The following EPHA4 variants were observed in gnomAD, a reference collection of about 807,000 sequenced individuals.
The protein encoded by EPHA4 is EPH receptor A4.
Under a neutral mutation model 108.3 loss-of-function variants are expected in EPHA4, and 19 were observed. That is an observed-to-expected ratio of 0.18 (90% CI 0.12 to 0.26). The LOEUF (loss-of-function observed/expected upper bound fraction) is 0.26. Ranked by LOEUF, EPHA4 falls within the 10% of genes least tolerant of loss-of-function variation. EPHA4 has a pLI of 1.00. For synonymous variants in EPHA4, 449 were observed against 455.5 expected (o/e 0.99, Z 0.18); for missense variants, 917 against 1,254.0 (o/e 0.73, Z 4.06).
intron 5 of EPHA4, among the ~76,000 whole-genome samples, chr2:221,462,032 T>C (rs969445956): frequency 2.7e-5 from 4 of 149,306 alleles, no homozygotes; most frequent in Non-Finnish European, 5.9e-5. Flanking sequence ...AGATGCATCA[T>C]AGATTGAAAA....
At chr2:221,563,403 C>T (rs537465869) in intron 3 of EPHA4, among the ~76,000 whole-genome samples, 12 of 152,288 alleles carry the variant, frequency 7.9e-5, no homozygotes, top group Admixed American at 2.6e-4. Context: ...AAAATGTGTC[C>T]GCCCTCTTTA....
intron 3 of EPHA4, among the ~76,000 whole-genome samples, chr2:221,549,596 G>C (rs1694101296): frequency 6.6e-6 from 1 of 152,204 alleles, no homozygotes; most frequent in African/African-American, 2.4e-5. Flanking sequence ...GGCAGCCAGG[G>C]CTCCTGATTA....
chr2:221,547,818 TG>T (rs1694044699), intron 3 of EPHA4, among the ~76,000 whole-genome samples: 1 of 152,194 alleles, frequency 6.6e-6, no homozygotes, highest in African/African-American at 2.4e-5. Context: ...CATCATTTCG[TG>T]CCCTGGCCTT....
chr2:221,565,136 A>G (rs1472626093), intron 2 of EPHA4, among the ~76,000 whole-genome samples: 2 of 152,178 alleles, frequency 1.3e-5, no homozygotes, highest in Admixed American at 1.3e-4. Flanking sequence ...AAAACTAGAA[A>G]ACAGACATGC....
rs921010685 is a variant in EPHA4 at position 221,552,121 on chromosome 2, G to C, written c.823+11610C>G. 2.6e-5 allele frequency among the ~76,000 whole-genome samples: 4 copies of C among 152,118 alleles called. No individual in the cohort carries two copies. In the East Asian group the frequency reaches 7.7e-4, roughly 29 times the overall value. On this transcript the variant is annotated intron_variant, in intron 3 of 17. Coordinates refer to ENST00000281821, the MANE Select transcript of EPHA4 (RefSeq NM_004438.5). ...TCTACAAGTCCACGCTCAAAAACCA[G>C]AGGCTGCTTATGTCTTCTTTTTCTT...
At chr2:221,545,261 A>G (rs1425941896) in intron 3 of EPHA4, among the ~76,000 whole-genome samples, 1 of 150,234 alleles carries the variant, frequency 6.7e-6, no homozygotes, top group African/African-American at 2.5e-5. Flanking sequence ...CGAGGTCGGG[A>G]GATCGAGACC....
chr2:221,424,461 A>AAAAGTGAT (rs1448238892), intron 17 of EPHA4, among the ~76,000 whole-genome samples: 1 of 146,150 alleles, frequency 6.8e-6, no homozygotes, highest in Non-Finnish European at 1.5e-5. Flanking sequence ...TAAAAGTGAT[A>AAAAGTGAT]AAAATGAAAT....
intron 17 of EPHA4, chr2:221,422,100 G>A (rs1334548004): frequency 6.6e-6 from 1 of 151,794 alleles, no homozygotes; most frequent in African/African-American, 2.4e-5. Context: ...AATTAGCCAG[G>A]CATGGTTGTG....
intron 3 of EPHA4, among the ~76,000 whole-genome samples, chr2:221,555,111 G>T (rs184437618): frequency 2.0e-5 from 3 of 152,142 alleles, no homozygotes; most frequent in Non-Finnish European, 4.4e-5. Flanking sequence ...GAGCAGCAGG[G>T]ACTTGGGTTA....
intron 14 of EPHA4, among the ~76,000 whole-genome samples, chr2:221,433,799 AT>A (rs1161999004): frequency 1.3e-5 from 2 of 152,062 alleles, no homozygotes; most frequent in African/African-American, 2.4e-5. Context: ...TGTGAAATTT[AT>A]TTTTTCATAA....
intron 9 of EPHA4, among the ~76,000 whole-genome samples, chr2:221,445,365 G>A (rs563110397): frequency 7.6e-4 from 115 of 151,984 alleles, no homozygotes; most frequent in African/African-American, 2.7e-3. Context: ...CGAGGCGGGC[G>A]GATCACGAGG....
chr2:221,429,858 G>T, intron 15 of EPHA4, 100 bp downstream of exon 15: 1 of 1,323,212 alleles, frequency 7.6e-7, no homozygotes, highest in Non-Finnish European at 1.1e-6. Flanking sequence ...GAGCCATGAA[G>T]TGGCCTCTGA....
At chr2:221,431,069 G>A (rs1040197701) in intron 14 of EPHA4, among the ~76,000 whole-genome samples, 10 of 152,070 alleles carry the variant, frequency 6.6e-5, no homozygotes, top group Non-Finnish European at 1.2e-4. Context: ...CCCCTGCTTT[G>A]GGGTATAAAT....
chr2:221,421,513 C>G (rs1665387142), intron 17 of EPHA4, among the ~76,000 whole-genome samples: 1 of 152,190 alleles, frequency 6.6e-6, no homozygotes, highest in South Asian at 2.1e-4. Flanking sequence ...CTTCTAGGTT[C>G]AAGCCTCCTT....
At chr2:221,558,207 G>A (rs1410083430) in intron 3 of EPHA4, among the ~76,000 whole-genome samples, 2 of 152,044 alleles carry the variant, frequency 1.3e-5, no homozygotes, top group Non-Finnish European at 2.9e-5. Context: ...CATGTATATG[G>A]CTATATTTGA....
intron 4 of EPHA4, among the ~76,000 whole-genome samples, chr2:221,499,417 A>G (rs1692403386): frequency 6.7e-6 from 1 of 149,744 alleles, no homozygotes; most frequent in Non-Finnish European, 1.5e-5. Flanking sequence ...ACGTATTAAG[A>G]TTTTTTTCAA....
Position 221,430,132 on chromosome 2 carries a change from T to C in EPHA4, c.2516A>G (p.Glu839Gly), listed in dbSNP as rs1690029067. Residue 839 changes from glutamate (E) to glycine (G), a missense_variant, in exon 15 of 18, where the codon GAA (glutamate) becomes GGA (glycine). Physicochemically the swap from Glu to Gly is moderately conservative, Grantham distance 98 (BLOSUM62 -2). Transcript: ENST00000281821. ...CATTGGAGGGGGTAACCGATAGCCTTCCTCAATGGCTTTAATCACCTATGG... is the reference window on the plus strand; with the variant it reads ...CATTGGAGGGGGTAACCGATAGCCTCCCTCAATGGCTTTAATCACCTATGG... ...SNQDVIKAIE[E>G]GYRLPPPMDC... 1 of 1,608,576 alleles carries C rather than the reference T, an allele frequency of 6.2e-7. No homozygotes were observed.
rs753493322 is a variant in EPHA4, at chr2:221,456,593, G to C, written c.1603+20C>G. 8 of 1,612,420 alleles carry C rather than the reference G, an allele frequency of 5.0e-6. No individual in the cohort carries two copies. The highest frequency in any genetic ancestry group is 5.9e-6 in the Non-Finnish European group (7 of 1,178,912). On this transcript the variant is annotated intron_variant, in intron 7 of 17. Coordinates refer to ENST00000281821, the MANE Select transcript of EPHA4 (RefSeq NM_004438.5). Reference sequence around the variant, plus strand: ...TAAAAATAGCCTCAGAAGTGACTGAGTCTGGGTGGTCCTTGTTACCTGTGT... The same window carrying C: ...TAAAAATAGCCTCAGAAGTGACTGACTCTGGGTGGTCCTTGTTACCTGTGT...
intron 3 of EPHA4, among the ~76,000 whole-genome samples, chr2:221,512,905 C>T (rs1692870891): frequency 6.6e-6 from 1 of 152,174 alleles, no homozygotes; most frequent in South Asian, 2.1e-4. Context: ...CCACTGCTTC[C>T]TCTCACATTT....
Sources: gnomAD v4.1 joint callset for allele counts (sites outside exome capture counted in the v4.1 genomes callset) on GRCh38, gnomAD v4.1.1 for gene constraint, MANE v1.5 for transcripts, NCBI Gene and HGNC (gene_info 2026-07-23, HGNC 2026-07-21) for gene names.